The following MAGED1 variants were observed in gnomAD, a reference collection of about 807,000 sequenced individuals.
The protein encoded by MAGED1 is melanoma-associated antigen D1.
A neutral mutation model predicts 54.1 loss-of-function variants in MAGED1; 3 were observed. The ratio of observed to expected loss-of-function variants is 0.06; its 90% CI spans 0.03 to 0.14. The LOEUF (loss-of-function observed/expected upper bound fraction) is 0.14, where lower values mean the gene tolerates loss of function less well. Among genes scored for constraint, MAGED1 ranks in the 10% least tolerant of loss-of-function variants. The pLI, the probability that MAGED1 is intolerant of heterozygous loss-of-function variation, is 1.00. For synonymous variants in MAGED1, 217 were observed against 227.3 expected (o/e 0.95, Z 0.41); for missense variants, 485 against 623.4 (o/e 0.78, Z 2.36).
intron 1 of MAGED1, among the ~76,000 whole-genome samples, chrX:51,823,949 G>A (rs1925736278): frequency 9.0e-6 from 1 of 111,252 alleles, no homozygotes; most frequent in Non-Finnish European, 1.9e-5. Flanking sequence ...CACAAATTAC[G>A]TCTTTTTGCA....
intron 1 of MAGED1, among the ~76,000 whole-genome samples, chrX:51,870,249 A>G (rs1927618606): frequency 2.7e-5 from 3 of 112,079 alleles, no homozygotes; most frequent in African/African-American, 9.7e-5. Context: ...CATTTTTTCT[A>G]GAAACAGACT....
intron 1 of MAGED1, among the ~76,000 whole-genome samples, chrX:51,809,395 G>A (rs1296208063): frequency 8.9e-6 from 1 of 111,770 alleles, no homozygotes; most frequent in Non-Finnish European, 1.9e-5. Context: ...ATTAATTACA[G>A]GCGTGAGCCA....
At chrX:51,899,983 A>G (rs1928935904) in intron 10 of MAGED1, 199 bp from the exon 11 acceptor site, 1 of 388,582 alleles carries the variant, frequency 2.6e-6, no homozygotes. Flanking sequence ...CCTCGCCTGC[A>G]TCTCTAGTGA....
intron 1 of MAGED1, among the ~76,000 whole-genome samples, chrX:51,858,289 C>T (rs1358746987): frequency 9.0e-6 from 1 of 111,444 alleles, no homozygotes; most frequent in African/African-American, 3.3e-5. Context: ...TTTAATTGTT[C>T]TGGGTTTATA....
chrX:51,832,401 A>G (rs1926103829), intron 1 of MAGED1, among the ~76,000 whole-genome samples: 1 of 111,155 alleles, frequency 9.0e-6, no homozygotes, highest in Non-Finnish European at 1.9e-5. Flanking sequence ...ACTGAATACT[A>G]GATCTTATTC....
At chrX:51,835,759 C>A (rs990242237) in intron 1 of MAGED1, among the ~76,000 whole-genome samples, 2 of 111,444 alleles carry the variant, frequency 1.8e-5, no homozygotes, top group African/African-American at 6.5e-5. Context: ...TTTTAGCTGC[C>A]TTCCTCTCCC....
chrX:51,893,196 A>C (rs1928514183), upstream of MAGED1, among the ~76,000 whole-genome samples: 1 of 110,808 alleles, frequency 9.0e-6, no homozygotes, highest in Non-Finnish European at 1.9e-5. Context: ...GCAGAGGTCT[A>C]ACACTTGTTG....
At position 51,900,165 on chromosome X, in the gene MAGED1, C is replaced by T. The variant is rs1012318638; in HGVS notation, c.1845-17C>T. On this transcript the variant is annotated splice_polypyrimidine_tract_variant and intron_variant, in intron 10 of 12. Transcript: ENST00000326587. ...CTGCCTGGGTAGGTAGACACAAAGA[C>T]TGTTTTGCTCTTTCAGATACCTGGA... is the stretch of plus-strand genomic sequence containing the variant. 1 of 1,075,685 alleles carries T rather than the reference C, an allele frequency of 9.3e-7. No individual in the cohort carries two copies. Among genetic ancestry groups the T allele is most frequent in the Non-Finnish European group, 1.3e-6 (1 of 773,861 alleles). The allele number at this position is 1,075,685 out of a possible 1,213,427, so 88.6% of individuals were successfully genotyped here. A position where few individuals can be genotyped will look rare whatever the true frequency, so the allele number is the denominator to read the frequency against.
chrX:51,880,890 C>T (rs1002613013), intron 1 of MAGED1, among the ~76,000 whole-genome samples: 14 of 111,270 alleles, frequency 1.3e-4, no homozygotes, highest in Non-Finnish European at 2.6e-4. Flanking sequence ...TTCCTCTACT[C>T]CCTCCTTCCT....
intron 1 of MAGED1, among the ~76,000 whole-genome samples, chrX:51,858,709 G>T (rs782552214): frequency 9.0e-6 from 1 of 111,024 alleles, no homozygotes; most frequent in Non-Finnish European, 1.9e-5. Flanking sequence ...TGTGGTGAGA[G>T]CTTCAGGAAC....
At chrX:51,821,523 T>G (rs1449429325) in intron 1 of MAGED1, among the ~76,000 whole-genome samples, 1 of 111,263 alleles carries the variant, frequency 9.0e-6, no homozygotes, top group Non-Finnish European at 1.9e-5. Flanking sequence ...CCCAAGTAGC[T>G]GAGACTACAG....
chrX:51,879,213 A>G (rs1927972907), intron 1 of MAGED1, among the ~76,000 whole-genome samples: 1 of 111,594 alleles, frequency 9.0e-6, no homozygotes, highest in African/African-American at 3.2e-5. Flanking sequence ...TCCTCTTTGA[A>G]GGAAAGCTTC....
Position 51,901,617 on chromosome X carries a change from A to G in MAGED1, c.2024A>G (p.Asp675Gly), listed in dbSNP as rs1929029046. Residue 675 changes from aspartate to glycine, a missense_variant, in exon 12 of 13, where the codon GAT (aspartate) becomes GGT (glycine). Around this residue, in one of 2 missense-constraint regions of MAGED1, gnomAD observed 186 missense variants for 330.3 expected, o/e 0.56. Transcript: ENST00000326587. ...QFMEAADEALDALDAAAAEAE... is the reference protein window; with the variant it reads ...QFMEAADEALGALDAAAAEAE... Reference sequence around the variant, plus strand: ...ATGGAGGCTGCAGATGAGGCCTTGGATGCTCTGGATGCTGCTGCAGCTGAG... The same window carrying G: ...ATGGAGGCTGCAGATGAGGCCTTGGGTGCTCTGGATGCTGCTGCAGCTGAG... 1 of 1,206,883 alleles carries G rather than the reference A, an allele frequency of 8.3e-7. No homozygotes were observed. The highest frequency in any genetic ancestry group is 1.1e-6 in the Non-Finnish European group (1 of 893,157).
At chrX:51,871,156 T>C (rs1267593365) in intron 1 of MAGED1, among the ~76,000 whole-genome samples, 1 of 112,167 alleles carries the variant, frequency 8.9e-6, no homozygotes, top group Non-Finnish European at 1.9e-5. Flanking sequence ...TGGATCTCCA[T>C]TTCTCCTCAA....
chrX:51,841,111 T>C (rs1557358502), intron 1 of MAGED1, among the ~76,000 whole-genome samples: 1 of 103,672 alleles, frequency 9.6e-6, no homozygotes, highest in African/African-American at 3.5e-5. Context: ...TTCCTGACTT[T>C]TTAATGATCG....
chrX:51,828,592 G>C (rs1557357137), intron 1 of MAGED1, among the ~76,000 whole-genome samples: 2 of 110,440 alleles, frequency 1.8e-5, no homozygotes, highest in African/African-American at 3.3e-5. Context: ...AAATGTTCAA[G>C]TGGTGATTTC....
intron 1 of MAGED1, among the ~76,000 whole-genome samples, chrX:51,856,732 C>A (rs1927097123): frequency 9.0e-6 from 1 of 111,634 alleles, no homozygotes; most frequent in Non-Finnish European, 1.9e-5. Context: ...CATGTGATGA[C>A]ATATAGGTAA....
In MAGED1 at chrX:51,896,705, G is replaced by T. The variant is rs1557364306; in HGVS notation, c.1050G>T (p.Trp350Cys). 8.3e-7 allele frequency: 1 copy of T among 1,212,020 alleles called. No individual in the cohort carries two copies. ...NPVIWPNPVI[W>C]QNPVIWPNPI... ...TGATTTGGCCAAACCCAGTAATCTG[G>T]CAGAACCCAGTGATCTGGCCAAACC... The change falls in exon 4 of 13, where the codon TGG (tryptophan) becomes TGT (cysteine). Residue 350 changes from tryptophan to cysteine, a missense_variant. Physicochemically the swap from Trp to Cys is radical, Grantham distance 215. Around this residue, in one of 2 missense-constraint regions of MAGED1, gnomAD observed 299 missense variants for 293.1 expected, o/e 1.02. Coordinates refer to ENST00000326587, the MANE Select transcript of MAGED1 (RefSeq NM_006986.4).
intron 1 of MAGED1, among the ~76,000 whole-genome samples, chrX:51,813,169 A>G (rs926017912): frequency 1.1e-4 from 12 of 108,487 alleles, no homozygotes; most frequent in Middle Eastern, 4.7e-3. Context: ...GATTACAGGC[A>G]TGTGCCACCA....
Sources: allele counts gnomAD v4.1 joint callset (sites outside exome capture counted in the v4.1 genomes callset), GRCh38; gene constraint gnomAD v4.1.1; regional missense constraint gnomAD v4.1.1; transcripts MANE v1.5; gene names NCBI Gene and HGNC (gene_info 2026-07-23, HGNC 2026-07-21).